The following COPB1 variants were observed in gnomAD, a reference collection of about 807,000 sequenced individuals.
COPB1 encodes coatomer subunit beta.
Under a neutral mutation model 108.7 loss-of-function variants are expected in COPB1, and 21 were observed. The observed-to-expected ratio is 0.19, with a 90% CI of 0.14 to 0.28. The LOEUF (loss-of-function observed/expected upper bound fraction) is 0.28, where lower values mean the gene tolerates loss of function less well. Among genes scored for constraint, COPB1 ranks in the 10% least tolerant of loss-of-function variants. COPB1 has a pLI of 1.00. For synonymous variants in COPB1, 378 were observed against 386.8 expected, an observed-to-expected ratio of 0.98 and a Z score of 0.27; for missense variants, 919 against 1,141.3, an observed-to-expected ratio of 0.81 and a Z score of 2.81.
chr11:14,476,978 A>G lies in COPB1; in HGVS notation c.1396T>C (p.Cys466Arg), dbSNP rs1297504936. The G allele has an allele frequency of 1.2e-6, 2 of 1,612,702 alleles. No individual in the cohort carries two copies. The highest frequency in any genetic ancestry group is 1.7e-6 in the Non-Finnish European group (2 of 1,178,742). The stretch of plus-strand genomic sequence containing the variant: ...CTCTGAATGTCTTCCTTGGTACTAC[A>G]GTATTCTCCCAGGATCCATAATGCT... ...RGALWILGEY[C>R]STKEDIQSVM... is the part of the protein sequence containing the mutation. The change falls in exon 12 of 22, where the codon TGT (cysteine) becomes CGT (arginine). Residue 466 changes from cysteine to arginine, a missense_variant. Around this residue, in one of 5 missense-constraint regions of COPB1, gnomAD observed 705 missense variants for 817.8 expected, o/e 0.86. Transcript: ENST00000439561.
rs1434887552 is a variant in COPB1, at chr11:14,475,807, G to T, written c.1594C>A (p.Pro532Thr). 7 of 1,610,588 alleles carry T rather than the reference G, an allele frequency of 4.3e-6. No homozygotes were observed. In the South Asian group the frequency reaches 7.7e-5, roughly 18 times the overall value. Residue 532 changes from proline to threonine, a missense_variant, in exon 13 of 22, where the codon CCC (proline) becomes ACC (threonine). Around this residue, in one of 5 missense-constraint regions of COPB1, gnomAD observed 705 missense variants for 817.8 expected, o/e 0.86. Coordinates refer to ENST00000439561, the MANE Select transcript of COPB1 (RefSeq NM_001144061.2). ...ATQSALSSSR[P>T]TKKEEDRPPL... is the part of the protein sequence containing the mutation. ...TACCTGTCTTCCTCTTTCTTGGTGG[G>T]TCTAGAACTGCTAAGGGCACTCTGA...
intron 8 of COPB1, 73 bp downstream of exon 8, chr11:14,482,958 TG>T: frequency 7.3e-7 from 1 of 1,366,960 alleles, no homozygotes; most frequent in Non-Finnish European, 9.8e-7. Context: ...TTAACCAAGA[TG>T]GGCAAAGCTT....
rs897151055 is a variant in COPB1 at position 14,466,368 on chromosome 11, T to C, written c.2204A>G (p.Asn735Ser). The change falls in exon 17 of 22, where the codon AAC (asparagine) becomes AGC (serine). Residue 735 changes from asparagine to serine, a missense_variant. Asn to Ser is a conservative substitution (Grantham distance 46). Transcript: ENST00000439561. ...PVYAEAYVHVNQYDIVLDVLV... is the reference protein window; with the variant it reads ...PVYAEAYVHVSQYDIVLDVLV... ...TACATCCAGGACAATATCATATTGG[T>C]TGACATGAACGTAAGCTTCTGCATA... 2 of 1,613,542 alleles carry C rather than the reference T, an allele frequency of 1.2e-6. No individual in the cohort carries two copies. Among genetic ancestry groups the C allele is most frequent in the African/African-American group, 1.3e-5 (1 of 75,024 alleles).
intron 14 of COPB1, among the ~76,000 whole-genome samples, chr11:14,471,507 CAA>C (rs1347572274): frequency 1.3e-5 from 2 of 152,070 alleles, no homozygotes; most frequent in Admixed American, 6.6e-5. Flanking sequence ...TAAATGCCCA[CAA>C]AAGAGTTACA....
In COPB1 at chr11:14,479,672, C is replaced by G. The variant is rs1565018873; in HGVS notation, c.1255G>C (p.Asp419His). 1 of 1,607,608 alleles carries G rather than the reference C, an allele frequency of 6.2e-7. No individual in the cohort carries two copies. The highest frequency in any genetic ancestry group is 1.7e-5 in the Admixed American group (1 of 59,334). Residue 419 changes from aspartate to histidine, a missense_variant, in exon 11 of 22, where the codon GAT (aspartate) becomes CAT (histidine). Physicochemically the swap from Asp to His is moderately conservative, Grantham distance 81. Transcript: ENST00000439561. Reference protein sequence around the residue: ...LSDNNEAAAADVLEFVREAIQ... With the variant: ...LSDNNEAAAAHVLEFVREAIQ... ...GCTTCACGAACAAACTCCAAGACAT[C>G]AGCAGCTGCTGCTTCGTTGTTGTCA...
At chr11:14,469,275 G>T in intron 15 of COPB1, 61 bp downstream of exon 15, 1 of 1,365,882 alleles carries the variant, frequency 7.3e-7, no homozygotes, top group Non-Finnish European at 1.0e-6. Context: ...GGGATTACAG[G>T]CGTGAGCCAC....
chr11:14,458,610 A>T lies in COPB1; in HGVS notation c.2724T>A (p.Asn908Lys). The T allele has an allele frequency of 6.2e-7, 1 of 1,613,926 alleles. No homozygotes were observed. Among genetic ancestry groups the T allele is most frequent in the Non-Finnish European group, 8.5e-7 (1 of 1,179,960 alleles). ...GGTGAATTGGCTTCTCAATGCTGAC[A>T]TTTGCAAGTGCATCTTCACCAAATA... ...RSIFGEDALA[N>K]VSIEKPIHQG... The change falls in exon 21 of 22, where the codon AAT (asparagine) becomes AAA (lysine). Residue 908 changes from asparagine (N) to lysine (K), a missense_variant. By Grantham distance (94) the Asn-to-Lys change is moderately conservative. This residue lies in a region of COPB1 where 705 missense variants were observed against 817.8 expected (regional missense o/e 0.86). Transcript: ENST00000439561.
At position 14,458,618 on chromosome 11, in the gene COPB1, G is replaced by A. The variant is rs778478906; in HGVS notation, c.2716C>T (p.Leu906Phe). The change falls in exon 21 of 22, where the codon CTT becomes TTT. Residue 906 changes from leucine (L) to phenylalanine (F), a missense_variant. Coordinates refer to ENST00000439561, the MANE Select transcript of COPB1 (RefSeq NM_001144061.2). ...YARSIFGEDA[L>F]ANVSIEKPIH... Reference sequence around the variant, plus strand: ...GGCTTCTCAATGCTGACATTTGCAAGTGCATCTTCACCAAATATGGAACGA... The same window carrying A: ...GGCTTCTCAATGCTGACATTTGCAAATGCATCTTCACCAAATATGGAACGA... 6 of 1,613,816 alleles carry A rather than the reference G, an allele frequency of 3.7e-6. No homozygotes were observed. In the Admixed American group the frequency reaches 1.0e-4, roughly 27 times the overall value.
At chr11:14,470,243 T>C (rs889249530) in intron 14 of COPB1, among the ~76,000 whole-genome samples, 1 of 152,246 alleles carries the variant, frequency 6.6e-6, no homozygotes, top group South Asian at 2.1e-4. Context: ...TTTAAAGAAC[T>C]GAGGCCAGTT....
chr11:14,470,581 G>C (rs1325552067), intron 14 of COPB1, among the ~76,000 whole-genome samples: 1 of 152,036 alleles, frequency 6.6e-6, no homozygotes. Context: ...TTGCCAAATT[G>C]CCTTTGGCTG....
At chr11:14,458,763 CTTTTTT>C in intron 20 of COPB1, 76 bp from the exon 21 acceptor site, 50 of 795,580 alleles carry the variant, frequency 6.3e-5, no homozygotes, top group Admixed American at 1.1e-4. Context: ...GCATAGGTGA[CTTTTTT>C]TTTTTTTTTT....
In COPB1 at chr11:14,476,890, A is replaced by C. The variant is rs1367887374; in HGVS notation, c.1455+29T>G. 5 of 1,407,530 alleles carry C rather than the reference A, an allele frequency of 3.6e-6. No homozygotes were observed. In the African/African-American group the frequency reaches 4.2e-5, roughly 12 times the overall value. 87.2% of individuals were successfully genotyped at this position (1,407,530 alleles called of 1,614,324 possible). On this transcript the variant is annotated intron_variant, in intron 12 of 21. Transcript: ENST00000439561. Reference sequence around the variant, plus strand: ...TTTCCTAAAGGAAAAATTACCATATAAACTAACATTTACTAAAGTAAAACA... The same window carrying C: ...TTTCCTAAAGGAAAAATTACCATATCAACTAACATTTACTAAAGTAAAACA...
chr11:14,459,466 T>C (rs372112773), intron 20 of COPB1, among the ~76,000 whole-genome samples: 1 of 152,084 alleles, frequency 6.6e-6, no homozygotes. Context: ...TTCATTTTTC[T>C]TTCTCTCTCG....
chr11:14,498,814 T>A, intron 2 of COPB1, 24 bp downstream of exon 2: 1 of 1,536,240 alleles, frequency 6.5e-7, no homozygotes, highest in South Asian at 1.2e-5. Flanking sequence ...TTCATTTCAT[T>A]CTCAAAATAA....
Position 14,458,702 on chromosome 11 carries a change from T to C in COPB1, c.2647-15A>G. The C allele has an allele frequency of 6.2e-7, 1 of 1,606,608 alleles. No individual in the cohort carries two copies. Among genetic ancestry groups the C allele is most frequent in the Admixed American group, 1.7e-5 (1 of 58,228 alleles). ...CCAGAAAGGGCCTGGAAAAAATTTG[T>C]GATAAATTCATTACTTTACCAGATA... is the stretch of plus-strand genomic sequence containing the variant. On this transcript the variant is annotated splice_polypyrimidine_tract_variant and intron_variant, in intron 20 of 21. Coordinates refer to ENST00000439561, the MANE Select transcript of COPB1 (RefSeq NM_001144061.2).
At chr11:14,488,073 G>A (rs1171892870) in intron 6 of COPB1, among the ~76,000 whole-genome samples, 1 of 152,180 alleles carries the variant, frequency 6.6e-6, no homozygotes, top group East Asian at 1.9e-4. Flanking sequence ...TCATATTAAT[G>A]CATTTAAAGT....
At position 14,489,720 on chromosome 11, in the gene COPB1, A is replaced by G. The variant is rs1850853545; in HGVS notation, c.606+845T>C. ...ATGGTGGCTGCCAGGGACTGGGAGG[A>G]AGTGGTAATAAGGAGCTATTTTTTA... On this transcript the variant is annotated intron_variant, in intron 5 of 21. Coordinates refer to ENST00000439561, the MANE Select transcript of COPB1 (RefSeq NM_001144061.2). Among the ~76,000 whole-genome samples, 2 of 152,164 alleles carry G rather than the reference A, an allele frequency of 1.3e-5. 1 individual carries two copies. Among genetic ancestry groups the G allele is most frequent in the South Asian group, 4.1e-4 (2 of 4,832 alleles).
Position 14,457,641 on chromosome 11 carries a change from CAA to C in COPB1, c.*181_*182del. ...AGGACAGCATTCAGAACTGTTAAGA[CAA>C]AAGACAAACTATAATTTTAAACTCA... is the stretch of plus-strand genomic sequence containing the variant. On this transcript the variant is annotated 3_prime_UTR_variant, in exon 22 of 22. Transcript: ENST00000439561. The C allele has an allele frequency of 1.8e-6, 1 of 547,368 alleles. No individual in the cohort carries two copies. The highest frequency in any genetic ancestry group is 2.1e-5 in the South Asian group (1 of 47,534). 33.9% of individuals were successfully genotyped at this position (547,368 alleles called of 1,614,324 possible). A position where few individuals can be genotyped will look rare whatever the true frequency, so the allele number is the denominator to read the frequency against.
chr11:14,476,083 T>C (rs924650231), intron 12 of COPB1, 138 bp from the exon 13 acceptor site: 20 of 688,596 alleles, frequency 2.9e-5, no homozygotes, highest in Non-Finnish European at 4.2e-5. Flanking sequence ...TTTCAATTTA[T>C]TTCCTTCCCA....
Sources: allele counts gnomAD v4.1 joint callset (sites outside exome capture counted in the v4.1 genomes callset), GRCh38; gene constraint gnomAD v4.1.1; regional missense constraint gnomAD v4.1.1; transcripts MANE v1.5; gene names NCBI Gene and HGNC (gene_info 2026-07-23, HGNC 2026-07-21).